The following AMPH variants were observed in gnomAD, a reference collection of about 807,000 sequenced individuals.
The protein encoded by AMPH is amphiphysin (Stiff-Mann syndrome with breast cancer 128kD autoantigen).
A neutral mutation model predicts 99.1 loss-of-function variants in AMPH; 49 were observed. The observed-to-expected ratio is 0.49, with a 90% CI of 0.39 to 0.63. The LOEUF (loss-of-function observed/expected upper bound fraction) is 0.63, where lower values mean the gene tolerates loss of function less well. Ranked by LOEUF, AMPH falls within the 20% of genes least tolerant of loss-of-function variation. The pLI, the probability that AMPH is intolerant of heterozygous loss-of-function variation, is 0.00. For synonymous variants in AMPH, 314 were observed against 317.3 expected, an observed-to-expected ratio of 0.99 and a Z score of 0.11; for missense variants, 759 against 863.4, an observed-to-expected ratio of 0.88 and a Z score of 1.52.
chr7:38,571,482 A>ATT (rs1385627167), intron 1 of AMPH, among the ~76,000 whole-genome samples: 2 of 133,692 alleles, frequency 1.5e-5, no homozygotes, highest in Non-Finnish European at 3.1e-5. Context: ...TCTATAAAAT[A>ATT]TATATTCTAT....
At chr7:38,503,729 A>G in intron 2 of AMPH, 25 bp from the exon 3 acceptor site, 6 of 1,608,562 alleles carry the variant, frequency 3.7e-6, no homozygotes, top group South Asian at 1.1e-5. Context: ...CACAGATGCT[A>G]AATATCTAGT....
chr7:38,629,459 T>C (rs944716673), intron 1 of AMPH, among the ~76,000 whole-genome samples: 7 of 152,166 alleles, frequency 4.6e-5, no homozygotes, highest in Admixed American at 2.0e-4. Flanking sequence ...CATCCACAAC[T>C]GCAGTCATAA....
At chr7:38,575,048 G>T (rs1352153826) in intron 1 of AMPH, among the ~76,000 whole-genome samples, 2 of 67,006 alleles carry the variant, frequency 3.0e-5, no homozygotes, top group Admixed American at 1.6e-4. Flanking sequence ...CCGAGACTCT[G>T]TCTAAAAAAA....
In AMPH at chr7:38,455,195, C is replaced by T. The variant is rs554746337; in HGVS notation, c.1017+6088G>A. On this transcript the variant is annotated intron_variant, in intron 11 of 20. Transcript: ENST00000356264. ...CCCACCTCCTCCTGCCTCAGCCTTC[C>T]GAGTAGCTGGGATTACAGGCATGCA... Among the ~76,000 whole-genome samples, 125 of 152,100 alleles carry T rather than the reference C, an allele frequency of 8.2e-4. 1 individual carries two copies. The Middle Eastern group carries it at 0.024, about 29-fold the overall frequency.
chr7:38,564,793 G>A lies in AMPH; in HGVS notation c.70-29782C>T, dbSNP rs183692596. On this transcript the variant is annotated intron_variant, in intron 1 of 20. Coordinates refer to ENST00000356264, the MANE Select transcript of AMPH (RefSeq NM_001635.4). ...CGAAGTGGTGAAAAAACCTTATCAA[G>A]GTGAACATAAGTTTTATCTATAAAT... Among the ~76,000 whole-genome samples the A allele has an allele frequency of 4.3e-4, 65 of 152,226 alleles. 1 individual carries two copies. In the Middle Eastern group the frequency reaches 0.027, roughly 64 times the overall value.
intron 1 of AMPH, among the ~76,000 whole-genome samples, chr7:38,590,016 T>C (rs958562001): frequency 3.3e-5 from 5 of 152,182 alleles, no homozygotes; most frequent in African/African-American, 1.2e-4. Flanking sequence ...GAGTGCTTTA[T>C]CTGAAATGAC....
At chr7:38,626,202 T>C (rs981449020) in intron 1 of AMPH, among the ~76,000 whole-genome samples, 1 of 152,176 alleles carries the variant, frequency 6.6e-6, no homozygotes, top group African/African-American at 2.4e-5. Flanking sequence ...ATGTGCAGAA[T>C]ATGCAGGTTT....
chr7:38,457,906 GTTAA>G (rs1252492905), intron 11 of AMPH, among the ~76,000 whole-genome samples: 5 of 151,942 alleles, frequency 3.3e-5, no homozygotes, highest in African/African-American at 4.8e-5. Context: ...CTGTCATAAT[GTTAA>G]TTGTTTTCTG....
intron 1 of AMPH, among the ~76,000 whole-genome samples, chr7:38,593,434 T>G (rs1792933027): frequency 6.6e-6 from 1 of 152,032 alleles, no homozygotes; most frequent in Admixed American, 6.5e-5. Context: ...TTAACAGAGG[T>G]TACATCCAAA....
intron 11 of AMPH, among the ~76,000 whole-genome samples, chr7:38,456,622 A>G (rs1787243926): frequency 6.6e-6 from 1 of 152,206 alleles, no homozygotes; most frequent in Non-Finnish European, 1.5e-5. Flanking sequence ...TGTCATAGCT[A>G]TCACCAACAC....
At chr7:38,479,398 G>A (rs1317826694) in intron 5 of AMPH, among the ~76,000 whole-genome samples, 1 of 151,998 alleles carries the variant, frequency 6.6e-6, no homozygotes, top group African/African-American at 2.4e-5. Context: ...AAAGGCTGAG[G>A]GAATTCATTG....
At chr7:38,437,435 A>G (rs1786310720) in intron 11 of AMPH, among the ~76,000 whole-genome samples, 1 of 152,044 alleles carries the variant, frequency 6.6e-6, no homozygotes, top group South Asian at 2.1e-4. Flanking sequence ...TTTTTGAAGA[A>G]TAGGAGTTAT....
At chr7:38,612,265 G>A (rs1313803696) in intron 1 of AMPH, among the ~76,000 whole-genome samples, 5 of 151,786 alleles carry the variant, frequency 3.3e-5, no homozygotes, top group East Asian at 1.9e-4. Flanking sequence ...TAGTACAGAC[G>A]GGGATTTTCC....
chr7:38,555,464 T>G (rs112612454), intron 1 of AMPH, among the ~76,000 whole-genome samples: 227 of 152,268 alleles, frequency 1.5e-3, no homozygotes, highest in African/African-American at 5.2e-3. Context: ...GATGAATTCA[T>G]AGTCCCCTCA....
intron 1 of AMPH, among the ~76,000 whole-genome samples, chr7:38,567,491 C>G (rs1791788359): frequency 6.6e-6 from 1 of 152,092 alleles, no homozygotes; most frequent in Non-Finnish European, 1.5e-5. Flanking sequence ...ACCTATGTAA[C>G]AAACCTACAC....
At chr7:38,525,204 T>A (rs543917237) in intron 2 of AMPH, among the ~76,000 whole-genome samples, 1 of 149,326 alleles carries the variant, frequency 6.7e-6, no homozygotes, top group African/African-American at 2.5e-5. Flanking sequence ...ATCTTATATA[T>A]CATCTATTAT....
At chr7:38,610,382 GGAAAA>G (rs1178717187) in intron 1 of AMPH, among the ~76,000 whole-genome samples, 337 of 22,968 alleles carry the variant, frequency 0.015, 21 homozygotes, top group African/African-American at 0.049. Context: ...AGAAAGGAAA[GGAAAA>G]GAAAAGAAAA....
chr7:38,578,758 A>AC (rs1792337121), intron 1 of AMPH, among the ~76,000 whole-genome samples: 1 of 152,166 alleles, frequency 6.6e-6, no homozygotes, highest in Non-Finnish European at 1.5e-5. Context: ...ACAGAGTGAG[A>AC]CCCTGTTTCT....
rs1010674902 is a variant in AMPH, at chr7:38,525,435, C to T, written c.150+9496G>A. Among the ~76,000 whole-genome samples the T allele has an allele frequency of 3.9e-5, 5 of 128,740 alleles. 1 individual carries two copies. Among genetic ancestry groups the T allele is most frequent in the African/African-American group, 1.3e-4 (4 of 30,870 alleles). The allele number at this position is 128,740 out of a possible 152,430, so 84.5% of individuals were successfully genotyped here. ...TCAGCTTCTCCCAGTTTTACCTGTA[C>T]TCATTTGTGCGTGTGTGTGTGTGTG... On this transcript the variant is annotated intron_variant, in intron 2 of 20. Coordinates refer to ENST00000356264, the MANE Select transcript of AMPH (RefSeq NM_001635.4).
Sources: allele counts gnomAD v4.1 joint callset (sites outside exome capture counted in the v4.1 genomes callset), GRCh38; gene constraint gnomAD v4.1.1; transcripts MANE v1.5; gene names NCBI Gene and HGNC (gene_info 2026-07-23, HGNC 2026-07-21).